HECW2: variants seen among roughly 807,000 people sequenced by gnomAD.
HECW2 encodes the protein E3 ubiquitin-protein ligase HECW2.
In HECW2, 61 loss-of-function variants were observed where a neutral mutation model predicts 175.2. The ratio of observed to expected loss-of-function variants is 0.35; its 90% CI spans 0.28 to 0.43. HECW2 has a LOEUF of 0.43. Ranked by LOEUF, HECW2 falls within the 20% of genes least tolerant of loss-of-function variation. The pLI is 1.00. For synonymous variants in HECW2, 671 were observed against 731.0 expected (o/e 0.92, Z 1.32); for missense variants, 1,524 against 2,000.5 (o/e 0.76, Z 4.54).
chr2:196,425,145 T>C, intron 2 of HECW2, among the ~76,000 whole-genome samples: 1 of 151,602 alleles, frequency 6.6e-6, no homozygotes, highest in East Asian at 1.9e-4. Flanking sequence ...TGACAGCACA[T>C]CTGTCATTTA....
chr2:196,436,788 A>G (rs1274259730), intron 1 of HECW2, among the ~76,000 whole-genome samples: 1 of 151,414 alleles, frequency 6.6e-6, no homozygotes, highest in African/African-American at 2.4e-5. Context: ...TTTTCCTAAC[A>G]TAGCCCTTTC....
At chr2:196,525,632 T>C (rs1688612152) in intron 1 of HECW2, among the ~76,000 whole-genome samples, 1 of 148,710 alleles carries the variant, frequency 6.7e-6, no homozygotes, top group Non-Finnish European at 1.5e-5. Flanking sequence ...TTCCTTTCCA[T>C]GTTTAGTGCT....
At chr2:196,361,133 C>T (rs1347683732) in intron 2 of HECW2, among the ~76,000 whole-genome samples, 1 of 152,072 alleles carries the variant, frequency 6.6e-6, no homozygotes, top group Non-Finnish European at 1.5e-5. Flanking sequence ...TAAAATTTTG[C>T]CCTGGAGTTG....
At position 196,197,659 on chromosome 2, in the gene HECW2, T is replaced by C. The variant is rs1360865266; in HGVS notation, c.*3618A>G. 6.6e-6 allele frequency: 1 copy of C among 152,184 alleles called. No individual in the cohort carries two copies. The highest frequency in any genetic ancestry group is 2.4e-5 in the African/African-American group (1 of 41,448). The allele number at this position is 152,184 out of a possible 1,614,324, so 9.4% of individuals were successfully genotyped here. ...GGAGGAAGCATCTTGGAAACCTCAC[T>C]GAATGTGGAATATACTGGTACAAAC... On this transcript the variant is annotated 3_prime_UTR_variant, in exon 29 of 29. Transcript: ENST00000644978.
chr2:196,581,374 A>C (rs1010358748), intron 1 of HECW2, among the ~76,000 whole-genome samples: 4 of 152,096 alleles, frequency 2.6e-5, no homozygotes, highest in East Asian at 1.9e-4. Context: ...ATCTCTACTA[A>C]AAATACAAAA....
chr2:196,429,931 T>A (rs191738128), intron 2 of HECW2, among the ~76,000 whole-genome samples: 73 of 152,262 alleles, frequency 4.8e-4, no homozygotes, highest in Non-Finnish European at 9.0e-4. Context: ...CAAGGCTTTA[T>A]AGAGAGCAGC....
rs574063150 is a variant in HECW2 at position 196,327,968 on chromosome 2, C to CT, written c.571+1606dup. Among the ~76,000 whole-genome samples, 75 of 152,182 alleles carry CT rather than the reference C, an allele frequency of 4.9e-4. No individual in the cohort carries two copies. The Middle Eastern group carries it at 0.01, about 21-fold the overall frequency. ...TCAAAACCAATAAGTGTGTGTCATG[C>CT]TTAGAATGATACGGATCACCTAAAA... On this transcript the variant is annotated intron_variant, in intron 5 of 28. Coordinates refer to ENST00000644978, the MANE Select transcript of HECW2 (RefSeq NM_001348768.2).
At chr2:196,553,038 G>A (rs1481294605) in intron 1 of HECW2, among the ~76,000 whole-genome samples, 1 of 152,188 alleles carries the variant, frequency 6.6e-6, no homozygotes, top group Non-Finnish European at 1.5e-5. Flanking sequence ...AGGGGTGGGC[G>A]AGTAGGGCCA....
At position 196,343,695 on chromosome 2, in the gene HECW2, A is replaced by G; in HGVS notation, c.362T>C (p.Ile121Thr). 6.2e-7 allele frequency: 1 copy of G among 1,613,730 alleles called. No individual in the cohort carries two copies. Among genetic ancestry groups the G allele is most frequent in the South Asian group, 1.1e-5 (1 of 91,070 alleles). ...RGVTGTQKGQ[I>T]VWRIEPGPYF... ...GGGCCCAGGCTCAATTCTCCATACA[A>G]TTTGCCCTTTTTGTGTTCCAGTCAC... The change falls in exon 3 of 29, where the codon ATT becomes ACT. Residue 121 changes from isoleucine to threonine, a missense_variant. Transcript: ENST00000644978.
chr2:196,460,125 C>T lies in HECW2; in HGVS notation c.-35-26667G>A, dbSNP rs150968484. Among the ~76,000 whole-genome samples, 627 of 152,232 alleles carry T rather than the reference C, an allele frequency of 4.1e-3. 7 individuals are homozygous for T. Among genetic ancestry groups the T allele is most frequent in the African/African-American group, 0.014 (586 of 41,552 alleles). The stretch of plus-strand genomic sequence containing the variant: ...ACCCTTTATGAAAAATAAAGCTCTC[C>T]TTTCCAAATTTATGAACCTCATCAT... On this transcript the variant is annotated intron_variant, in intron 1 of 28. Transcript: ENST00000644978.
intron 1 of HECW2, among the ~76,000 whole-genome samples, chr2:196,583,897 C>T (rs867635605): frequency 6.6e-6 from 1 of 152,174 alleles, no homozygotes; most frequent in Non-Finnish European, 1.5e-5. Context: ...AAAACAATAA[C>T]TAGTGTACCA....
intron 19 of HECW2, among the ~76,000 whole-genome samples, chr2:196,245,286 C>T (rs569847668): frequency 5.3e-5 from 8 of 152,276 alleles, no homozygotes; most frequent in Admixed American, 3.9e-4. Flanking sequence ...GTCTACGAAG[C>T]GGGTATTACT....
At chr2:196,482,691 A>G (rs1031879502) in intron 1 of HECW2, among the ~76,000 whole-genome samples, 1 of 152,200 alleles carries the variant, frequency 6.6e-6, no homozygotes, top group Non-Finnish European at 1.5e-5. Context: ...GGAGGCAAGG[A>G]GGTGACAGAA....
intron 5 of HECW2, among the ~76,000 whole-genome samples, chr2:196,327,649 G>T (rs1056058751): frequency 6.6e-6 from 1 of 152,196 alleles, no homozygotes; most frequent in African/African-American, 2.4e-5. Flanking sequence ...ATCATCTGCT[G>T]TTAGTATGCT....
chr2:196,286,609 T>TA (rs1410378821), intron 14 of HECW2, among the ~76,000 whole-genome samples: 1 of 152,152 alleles, frequency 6.6e-6, no homozygotes, highest in African/African-American at 2.4e-5. Flanking sequence ...TATGTACACT[T>TA]ACGCATTAAT....
At chr2:196,552,796 T>C (rs1689648865) in intron 1 of HECW2, among the ~76,000 whole-genome samples, 1 of 152,224 alleles carries the variant, frequency 6.6e-6, no homozygotes, top group East Asian at 1.9e-4. Context: ...GAGGCCAGAA[T>C]GGCAGTGAGA....
At chr2:196,213,011 G>C in intron 28 of HECW2, among the ~76,000 whole-genome samples, 1 of 152,186 alleles carries the variant, frequency 6.6e-6, no homozygotes, top group East Asian at 1.9e-4. Flanking sequence ...TGGCTTCAGT[G>C]TATCTGTTCT....
chr2:196,499,378 C>A (rs1687503861), intron 1 of HECW2, among the ~76,000 whole-genome samples: 1 of 151,628 alleles, frequency 6.6e-6, no homozygotes, highest in African/African-American at 2.4e-5. Flanking sequence ...TGGACCTCTG[C>A]CAGCATTAAG....
Position 196,248,597 on chromosome 2 carries a change from GAC to G in HECW2, c.3529+5321_3529+5322del, listed in dbSNP as rs35800907. The stretch of plus-strand genomic sequence containing the variant: ...CAGATGAGAGAGAGAGAGACAGACA[GAC>G]ACACACACACACACACACACACACA... On this transcript the variant is annotated intron_variant, in intron 19 of 28. Transcript: ENST00000644978. 3.2e-3 allele frequency among the ~76,000 whole-genome samples: 460 copies of G among 144,024 alleles called. 4 individuals are homozygous for G. The highest frequency in any genetic ancestry group is 0.011 in the African/African-American group (417 of 38,638). The allele number at this position is 144,024 out of a possible 152,430, so 94.5% of individuals were successfully genotyped here.
Sources: allele counts gnomAD v4.1 joint callset (sites outside exome capture counted in the v4.1 genomes callset), GRCh38; gene constraint gnomAD v4.1.1; transcripts MANE v1.5; gene names NCBI Gene and HGNC (gene_info 2026-07-23, HGNC 2026-07-21).